The following DCBLD1 variants were observed in gnomAD, a reference collection of about 807,000 sequenced individuals.
DCBLD1 encodes discoidin, CUB and LCCL domain containing 1.
A neutral mutation model predicts 71.5 loss-of-function variants in DCBLD1; 57 were observed. That is an observed-to-expected ratio of 0.80 (90% CI 0.64 to 0.99). The LOEUF (loss-of-function observed/expected upper bound fraction) is 0.99, where lower values mean the gene tolerates loss of function less well. Ranked by LOEUF, DCBLD1 falls within the 50% of genes least tolerant of loss-of-function variation. DCBLD1 has a pLI of 0.00. For synonymous variants in DCBLD1, 380 were observed against 363.8 expected (o/e 1.04, Z -0.51); for missense variants, 891 against 923.5 (o/e 0.96, Z 0.46).
intron 1 of DCBLD1, among the ~76,000 whole-genome samples, chr6:117,499,991 C>T (rs35134022): frequency 6.6e-6 from 1 of 152,186 alleles, no homozygotes; most frequent in Non-Finnish European, 1.5e-5. Flanking sequence ...GCACTCCAGC[C>T]TAGGCAACAA....
Position 117,544,575 on chromosome 6 carries a change from C to A in DCBLD1, c.1493C>A (p.Thr498Lys). 1 of 1,613,956 alleles carries A rather than the reference C, an allele frequency of 6.2e-7. No homozygotes were observed. The highest frequency in any genetic ancestry group is 8.5e-7 in the Non-Finnish European group (1 of 1,179,966). The change falls in exon 13 of 15, where the codon ACA becomes AAA. Residue 498 changes from threonine (T) to lysine (K), a missense_variant and splice_region_variant. Coordinates refer to ENST00000338728, the MANE Select transcript of DCBLD1 (RefSeq NM_001366458.2). ...SPYGSAEAQK[T>K]DCWKQIKYPF... The stretch of plus-strand genomic sequence containing the variant: ...TATGGATCAGCAGAGGCTCAGAAAA[C>A]AGGTTGGTTGAAAACTCTATCTACA...
downstream of DCBLD1, among the ~76,000 whole-genome samples, chr6:117,551,728 T>G (rs1718846378): frequency 6.6e-6 from 1 of 152,190 alleles, no homozygotes; most frequent in South Asian, 2.1e-4. Flanking sequence ...AATTCTGATT[T>G]ATTTGGTCTG....
intron 5 of DCBLD1, 135 bp from the exon 6 acceptor site, chr6:117,532,125 C>A: frequency 7.7e-7 from 1 of 1,304,684 alleles, no homozygotes; most frequent in Non-Finnish European, 1.0e-6. Flanking sequence ...GGTGACAACT[C>A]CAGGGCATGG....
At position 117,519,813 on chromosome 6, in the gene DCBLD1, T is replaced by C. The variant is rs758064961; in HGVS notation, c.326-3T>C. 4.4e-6 allele frequency: 7 copies of C among 1,602,544 alleles called. No homozygotes were observed. The Admixed American group carries it at 1.2e-4, about 27-fold the overall frequency. On this transcript the variant is annotated splice_region_variant and splice_polypyrimidine_tract_variant and intron_variant, in intron 2 of 14. Transcript: ENST00000338728. ...ATGTGCCACAAGTGTGCTTTGTTTT[T>C]AGGTCCATACTGTGGAAGTATGACT...
Position 117,549,226 on chromosome 6 carries a change from A to G in DCBLD1, c.*787A>G. 1.0e-6 allele frequency: 1 copy of G among 985,472 alleles called. No individual in the cohort carries two copies. The highest frequency in any genetic ancestry group is 1.2e-6 in the Non-Finnish European group (1 of 829,940). The allele number at this position is 985,472 out of a possible 1,614,324, so 61.0% of individuals were successfully genotyped here. On this transcript the variant is annotated 3_prime_UTR_variant, in exon 15 of 15. Transcript: ENST00000338728. ...TGTGTCAGATGTTTTCGTACCTCAG[A>G]TTAAAAATATTGCTGAGGTCAGACG...
chr6:117,549,839 T>C, downstream of DCBLD1: 1 of 985,348 alleles, frequency 1.0e-6, no homozygotes, highest in Non-Finnish European at 1.2e-6. Context: ...CGCTGGGGTG[T>C]TAGAGGCACT....
chr6:117,559,796 G>A (rs1332745372), intron 14 of DCBLD1, among the ~76,000 whole-genome samples: 1 of 151,848 alleles, frequency 6.6e-6, no homozygotes, highest in Non-Finnish European at 1.5e-5. Context: ...TTCATAAACT[G>A]ACCAAAAAAA....
chr6:117,499,536 T>G (rs1181719899), intron 1 of DCBLD1, among the ~76,000 whole-genome samples: 1 of 152,228 alleles, frequency 6.6e-6, no homozygotes, highest in African/African-American at 2.4e-5. Flanking sequence ...TGATTGACAT[T>G]ATTTTTTCAA....
rs146929010 is a variant in DCBLD1 at position 117,547,949 on chromosome 6, G to A, written c.1658G>A (p.Arg553Lys). Residue 553 changes from arginine to lysine, a missense_variant, in exon 15 of 15, where the codon AGG becomes AAG. Transcript: ENST00000338728. ...PLMIGTGTVT[R>K]KGSTFRPMDT... ...ATGATTGGCACCGGGACAGTCACGAGGAAGGGCTCCACCTTCCGGCCCATG... is the reference window on the plus strand; with the variant it reads ...ATGATTGGCACCGGGACAGTCACGAAGAAGGGCTCCACCTTCCGGCCCATG... 5.2e-6 allele frequency: 8 copies of A among 1,550,488 alleles called. No homozygotes were observed. Among genetic ancestry groups the A allele is most frequent in the South Asian group, 1.2e-5 (1 of 84,064 alleles).
intron 14 of DCBLD1, among the ~76,000 whole-genome samples, chr6:117,555,277 CTT>C (rs1323524884): frequency 1.3e-5 from 2 of 152,262 alleles, no homozygotes; most frequent in Non-Finnish European, 2.9e-5. Flanking sequence ...GTATTTCTCT[CTT>C]ATTTCTTGTT....
rs186407005 is a variant in DCBLD1, at chr6:117,523,110, C to T, written c.512+1534C>T. The stretch of plus-strand genomic sequence containing the variant: ...CCAGTATTATCTATTATAGCTATAC[C>T]TCTACAGTCCCAGTTGGTGATAGGG... On this transcript the variant is annotated intron_variant, in intron 4 of 14. Coordinates refer to ENST00000338728, the MANE Select transcript of DCBLD1 (RefSeq NM_001366458.2). 2.0e-5 allele frequency among the ~76,000 whole-genome samples: 3 copies of T among 152,242 alleles called. No individual in the cohort carries two copies. In the East Asian group the frequency reaches 5.8e-4, roughly 29 times the overall value.
intron 7 of DCBLD1, 143 bp from the exon 8 acceptor site, chr6:117,538,477 A>T: frequency 1.3e-6 from 1 of 744,116 alleles, no homozygotes; most frequent in Non-Finnish European, 2.2e-6. Context: ...TGGACCGTTT[A>T]AAAGCTGGTA....
intron 2 of DCBLD1, among the ~76,000 whole-genome samples, chr6:117,506,952 T>A (rs1777864207): frequency 1.3e-5 from 2 of 152,238 alleles, no homozygotes; most frequent in Non-Finnish European, 2.9e-5. Flanking sequence ...AAGAATCGTT[T>A]TAGTTTATCC....
intron 14 of DCBLD1, among the ~76,000 whole-genome samples, chr6:117,563,768 T>C (rs1424532124): frequency 6.6e-6 from 1 of 151,804 alleles, no homozygotes; most frequent in African/African-American, 2.4e-5. Flanking sequence ...TATAAGTTTA[T>C]TGAGTGAAAA....
intron 7 of DCBLD1, 47 bp downstream of exon 7, chr6:117,537,272 C>T (rs767230437): frequency 3.2e-5 from 50 of 1,584,764 alleles, no homozygotes; most frequent in Admixed American, 1.0e-4. Flanking sequence ...CGGTGGCTCA[C>T]GCCTATAATC....
chr6:117,539,696 G>C (rs1421726596), intron 9 of DCBLD1: 1 of 190,916 alleles, frequency 5.2e-6, no homozygotes, highest in African/African-American at 2.4e-5. Flanking sequence ...CAAGGTTACA[G>C]TGAATTATGG....
chr6:117,522,848 G>C (rs533040308), intron 4 of DCBLD1, among the ~76,000 whole-genome samples: 29 of 152,188 alleles, frequency 1.9e-4, no homozygotes, highest in African/African-American at 7.0e-4. Flanking sequence ...AAAAACCAAA[G>C]TACAAACCAA....
intron 2 of DCBLD1, among the ~76,000 whole-genome samples, chr6:117,513,694 C>A (rs1409146042): frequency 6.6e-6 from 1 of 152,158 alleles, no homozygotes; most frequent in East Asian, 1.9e-4. Flanking sequence ...AGCAAACATC[C>A]ATGCAAAACT....
intron 14 of DCBLD1, chr6:117,562,520 A>T (rs117322147): frequency 0.013 from 2,696 of 203,728 alleles, 24 homozygotes; most frequent in Non-Finnish European, 0.02. Flanking sequence ...ACAGATCAAC[A>T]TAATTGAGAA....
Sources: allele counts gnomAD v4.1 joint callset (sites outside exome capture counted in the v4.1 genomes callset), GRCh38; gene constraint gnomAD v4.1.1; transcripts MANE v1.5; gene names NCBI Gene and HGNC (gene_info 2026-07-23, HGNC 2026-07-21).